The following SPOPL variants were observed in gnomAD, a reference collection of about 807,000 sequenced individuals.
The protein encoded by SPOPL is speckle type BTB/POZ protein like.
In SPOPL, 23 loss-of-function variants were observed where a neutral mutation model predicts 53.8. The ratio of observed to expected loss-of-function variants is 0.43; its 90% CI spans 0.31 to 0.61. The LOEUF is 0.61. SPOPL is among the 20% of genes least tolerant of loss of function. SPOPL has a pLI of 0.12. For missense variants in SPOPL, 442 were observed against 466.9 expected (o/e 0.95, Z 0.49); for synonymous variants, 164 against 149.7 (o/e 1.10, Z -0.70).
chr2:138,532,693 C>T (rs956765421), intron 1 of SPOPL, among the ~76,000 whole-genome samples: 66 of 150,590 alleles, frequency 4.4e-4, no homozygotes, highest in African/African-American at 1.6e-3. Flanking sequence ...CTGCCCGCCT[C>T]GGCCTCCCAA....
At chr2:138,526,714 A>C (rs1257563911) in intron 1 of SPOPL, among the ~76,000 whole-genome samples, 1 of 148,890 alleles carries the variant, frequency 6.7e-6, no homozygotes, top group Non-Finnish European at 1.5e-5. Context: ...CTCATTCTTA[A>C]ATAGAGTATG....
chr2:138,568,898 G>C (rs997219405), intron 10 of SPOPL, 38 bp from the exon 11 acceptor site: 1 of 1,608,612 alleles, frequency 6.2e-7, no homozygotes, highest in South Asian at 1.1e-5. Context: ...ATTTTGAAAA[G>C]TATTCTTTAG....
intron 8 of SPOPL, 93 bp from the exon 9 acceptor site, chr2:138,564,615 A>AT (rs1000897674): frequency 1.5e-6 from 2 of 1,372,516 alleles, no homozygotes; most frequent in African/African-American, 2.9e-5. Flanking sequence ...ATAATAATCT[A>AT]TTTTACCCTT....
chr2:138,559,000 C>A (rs960787034), intron 5 of SPOPL, 22 bp from the exon 6 acceptor site: 2 of 1,542,928 alleles, frequency 1.3e-6, no homozygotes, highest in South Asian at 2.5e-5. Context: ...AAGTGTTTTT[C>A]TTGCTGTCCC....
intron 1 of SPOPL, among the ~76,000 whole-genome samples, chr2:138,545,919 A>G (rs1017705803): frequency 2.6e-5 from 4 of 152,208 alleles, no homozygotes; most frequent in Non-Finnish European, 5.9e-5. Context: ...TTAGTGATTC[A>G]TAGATATTTT....
intron 4 of SPOPL, among the ~76,000 whole-genome samples, chr2:138,552,063 G>A (rs1245666714): frequency 6.6e-6 from 1 of 151,992 alleles, no homozygotes; most frequent in Non-Finnish European, 1.5e-5. Context: ...TTTTTCTATA[G>A]TTGAATAAAA....
rs71406327 is a variant in SPOPL at position 138,525,656 on chromosome 2, GAAAAA to G, written c.-61+23551_-61+23555del. On this transcript the variant is annotated intron_variant, in intron 1 of 10. Transcript: ENST00000280098. ...AAGACCTGCATCAGTATAAAAAGTA[GAAAAA>G]AAAAAAAAAAAAATACACAAAAAAC... is the stretch of plus-strand genomic sequence containing the variant. Among the ~76,000 whole-genome samples the G allele has an allele frequency of 3.0e-4, 9 of 30,020 alleles. No individual in the cohort carries two copies. In the South Asian group the frequency reaches 9.3e-3, roughly 31 times the overall value. 19.7% of individuals were successfully genotyped at this position (30,020 alleles called of 152,430 possible).
intron 1 of SPOPL, among the ~76,000 whole-genome samples, chr2:138,538,530 G>T (rs1329226930): frequency 6.6e-6 from 1 of 152,056 alleles, no homozygotes; most frequent in Non-Finnish European, 1.5e-5. Flanking sequence ...GCTCTCTTCT[G>T]CATGAAATAC....
chr2:138,538,748 T>G (rs574197842), intron 1 of SPOPL, among the ~76,000 whole-genome samples: 25 of 152,138 alleles, frequency 1.6e-4, no homozygotes, highest in Non-Finnish European at 3.1e-4. Flanking sequence ...TTTTCTTTTT[T>G]TTTTTTCTTT....
intron 1 of SPOPL, among the ~76,000 whole-genome samples, chr2:138,502,905 T>G (rs1017738837): frequency 6.6e-6 from 1 of 152,240 alleles, no homozygotes; most frequent in African/African-American, 2.4e-5. Context: ...CACCATCTGC[T>G]TATCCTAACT....
At chr2:138,538,097 T>C (rs1417971243) in intron 1 of SPOPL, among the ~76,000 whole-genome samples, 5 of 152,204 alleles carry the variant, frequency 3.3e-5, no homozygotes, top group African/African-American at 1.2e-4. Flanking sequence ...AATTTAAATT[T>C]TTTTAAATTC....
At chr2:138,524,464 C>G (rs1310168595) in intron 1 of SPOPL, among the ~76,000 whole-genome samples, 1 of 152,252 alleles carries the variant, frequency 6.6e-6, no homozygotes, top group African/African-American at 2.4e-5. Flanking sequence ...ATTTCTGCAG[C>G]TGACTTGAAC....
intron 1 of SPOPL, among the ~76,000 whole-genome samples, chr2:138,509,906 TC>T (rs1225923584): frequency 6.6e-6 from 1 of 152,160 alleles, no homozygotes; most frequent in African/African-American, 2.4e-5. Flanking sequence ...CTGACCTAGG[TC>T]TATTCATTCT....
intron 7 of SPOPL, 130 bp from the exon 8 acceptor site, chr2:138,560,675 A>G: frequency 1.0e-6 from 1 of 972,344 alleles, no homozygotes; most frequent in South Asian, 1.9e-5. Context: ...ATATCTGTGT[A>G]TGTATATTTG....
Position 138,508,245 on chromosome 2 carries a change from A to C in SPOPL, c.-61+6126A>C, listed in dbSNP as rs112768164. 6.4e-3 allele frequency among the ~76,000 whole-genome samples: 968 copies of C among 152,364 alleles called. 5 individuals are homozygous for C. The highest frequency in any genetic ancestry group is 0.022 in the African/African-American group (926 of 41,586). ...CTTTTTGAAGAATACTGTAGTTGGC[A>C]AAACCTTAATTGGCAAGGGCAGGGT... is the stretch of plus-strand genomic sequence containing the variant. On this transcript the variant is annotated intron_variant, in intron 1 of 10. Transcript: ENST00000280098.
At chr2:138,521,916 C>A (rs1684566981) in intron 1 of SPOPL, among the ~76,000 whole-genome samples, 1 of 152,072 alleles carries the variant, frequency 6.6e-6, no homozygotes, top group East Asian at 1.9e-4. Context: ...CAAATGAACA[C>A]CTGGGGGAAT....
intron 5 of SPOPL, among the ~76,000 whole-genome samples, chr2:138,553,139 A>C (rs13416863): frequency 0.49 from 73,821 of 151,914 alleles, 22,105 homozygotes; most frequent in Non-Finnish European, 0.67. Flanking sequence ...GGATTAATCT[A>C]ATTAAATAGC....
At chr2:138,534,780 G>C (rs1684892382) in intron 1 of SPOPL, among the ~76,000 whole-genome samples, 1 of 152,060 alleles carries the variant, frequency 6.6e-6, no homozygotes, top group Admixed American at 6.6e-5. Context: ...CCTCCCCACA[G>C]GTCTGGCAAC....
intron 1 of SPOPL, among the ~76,000 whole-genome samples, chr2:138,531,263 T>C (rs1297219319): frequency 6.6e-6 from 1 of 152,118 alleles, no homozygotes; most frequent in Non-Finnish European, 1.5e-5. Flanking sequence ...GTGGTTACTG[T>C]AGAGATTACA....
Sources: gnomAD v4.1 joint callset for allele counts (sites outside exome capture counted in the v4.1 genomes callset) on GRCh38, gnomAD v4.1.1 for gene constraint, MANE v1.5 for transcripts, NCBI Gene and HGNC (gene_info 2026-07-23, HGNC 2026-07-21) for gene names.